Variants in RPTOR observed in about 807,000 individuals in gnomAD.
RPTOR encodes regulatory-associated protein of mTOR.
A neutral mutation model predicts 169.9 loss-of-function variants in RPTOR; 21 were observed. The observed-to-expected ratio is 0.12, with a 90% CI of 0.09 to 0.18. The LOEUF (loss-of-function observed/expected upper bound fraction) is 0.18, where lower values mean the gene tolerates loss of function less well. Among genes scored for constraint, RPTOR ranks in the 10% least tolerant of loss-of-function variants. The pLI is 1.00. For missense variants in RPTOR, 1,133 were observed against 1,855.9 expected (o/e 0.61, Z 7.16); for synonymous variants, 732 against 753.2 (o/e 0.97, Z 0.46).
intron 6 of RPTOR, among the ~76,000 whole-genome samples, chr17:80,780,596 A>G (rs1336182928): frequency 2.0e-5 from 3 of 152,222 alleles, no homozygotes; most frequent in Non-Finnish European, 4.4e-5. Context: ...TCAGAGCGGA[A>G]CCGTGACCTG....
intron 3 of RPTOR, among the ~76,000 whole-genome samples, chr17:80,661,735 C>T (rs1296259311): frequency 1.3e-5 from 2 of 151,636 alleles, no homozygotes; most frequent in African/African-American, 2.4e-5. Flanking sequence ...CTTAGGATGG[C>T]GCATGAGAGA....
chr17:80,959,943 G>T lies in RPTOR; in HGVS notation c.3478-135G>T. 3 of 1,076,040 alleles carry T rather than the reference G, an allele frequency of 2.8e-6. No individual in the cohort carries two copies. The South Asian group carries it at 4.4e-5, about 16-fold the overall frequency. 66.7% of individuals were successfully genotyped at this position (1,076,040 alleles called of 1,614,324 possible). On this transcript the variant is annotated intron_variant, in intron 29 of 33. Transcript: ENST00000306801. The surrounding 1 kb of genome is among the most constrained non-coding windows in gnomAD (Gnocchi z 6.7). The stretch of plus-strand genomic sequence containing the variant: ...GGCCTTTGATGCTTCCCTGGATAGA[G>T]AGAAAGGCCCCTGCAGCCAGGGAGG...
chr17:80,761,531 C>T (rs1426899943), intron 6 of RPTOR, among the ~76,000 whole-genome samples: 1 of 152,194 alleles, frequency 6.6e-6, no homozygotes, highest in Admixed American at 6.5e-5. Context: ...CAGCGTGGCT[C>T]TGTCTGGCCA....
chr17:80,869,053 C>T (rs2068023649), intron 13 of RPTOR, among the ~76,000 whole-genome samples: 1 of 152,166 alleles, frequency 6.6e-6, no homozygotes, highest in Non-Finnish European at 1.5e-5. Context: ...CTTCAAATTC[C>T]GTACTTCAAA....
chr17:80,944,866 CT>C (rs1459628814), intron 25 of RPTOR, among the ~76,000 whole-genome samples: 1 of 152,050 alleles, frequency 6.6e-6, no homozygotes, highest in Non-Finnish European at 1.5e-5. Context: ...TGGCGGATGC[CT>C]GTAATCCCAG....
intron 20 of RPTOR, among the ~76,000 whole-genome samples, chr17:80,903,063 C>T (rs180864504): frequency 5.3e-5 from 8 of 152,320 alleles, no homozygotes; most frequent in African/African-American, 1.7e-4. Context: ...ACATTTTTTA[C>T]GGTTTTGAAA....
intron 9 of RPTOR, among the ~76,000 whole-genome samples, chr17:80,834,387 C>A (rs568647435): frequency 6.6e-6 from 1 of 152,214 alleles, no homozygotes; most frequent in African/African-American, 2.4e-5. Context: ...GGTAGCCGGA[C>A]GGCCCCGAGC....
At chr17:80,700,609 GGTGA>G in intron 3 of RPTOR, among the ~76,000 whole-genome samples, 1 of 150,994 alleles carries the variant, frequency 6.6e-6, no homozygotes, top group African/African-American at 2.4e-5. Context: ...TGGTGATGAT[GGTGA>G]TGGTGGTGGT....
chr17:80,851,837 G>C (rs563283526), intron 11 of RPTOR, among the ~76,000 whole-genome samples: 1 of 152,294 alleles, frequency 6.6e-6, no homozygotes, highest in African/African-American at 2.4e-5. Context: ...TCTTCGCCCC[G>C]TCCTGCCACT....
chr17:80,708,098 A>T lies in RPTOR; in HGVS notation c.507+99A>T. ...GCCCATCCGTAGCTTCTGTTAAGCC[A>T]TTGATGTTTACTGTGTTTCAACAAA... On this transcript the variant is annotated intron_variant, in intron 4 of 33. Transcript: ENST00000306801. The surrounding 1 kb of genome is among the most constrained non-coding windows in gnomAD (Gnocchi z 4.2). 2.5e-6 allele frequency: 3 copies of T among 1,222,734 alleles called. No individual in the cohort carries two copies. The South Asian group carries it at 4.4e-5, about 18-fold the overall frequency. The allele number at this position is 1,222,734 out of a possible 1,614,324, so 75.7% of individuals were successfully genotyped here.
chr17:80,949,379 G>T, intron 27 of RPTOR, 64 bp from the exon 28 acceptor site: 1 of 1,374,978 alleles, frequency 7.3e-7, no homozygotes, highest in Non-Finnish European at 1.0e-6. Flanking sequence ...TTACCACCAC[G>T]CACAGAGCAC....
At chr17:80,888,038 C>T (rs558763951) in intron 17 of RPTOR, among the ~76,000 whole-genome samples, 112 of 152,258 alleles carry the variant, frequency 7.4e-4, no homozygotes, top group African/African-American at 2.6e-3. Context: ...ACGGGCTCAG[C>T]GGGGCTTGGA....
At chr17:80,573,146 A>C (rs942704029) in intron 1 of RPTOR, among the ~76,000 whole-genome samples, 1 of 152,178 alleles carries the variant, frequency 6.6e-6, no homozygotes, top group Non-Finnish European at 1.5e-5. Context: ...GTCATTGGTC[A>C]GCCCTAGCAC....
intron 9 of RPTOR, among the ~76,000 whole-genome samples, chr17:80,837,199 C>A (rs890164429): frequency 2.0e-5 from 3 of 152,114 alleles, no homozygotes; most frequent in Non-Finnish European, 2.9e-5. Flanking sequence ...AGGGGAAGCA[C>A]ATCACCGGGG....
At chr17:80,640,636 G>A (rs1431975387) in intron 2 of RPTOR, among the ~76,000 whole-genome samples, 3 of 152,198 alleles carry the variant, frequency 2.0e-5, no homozygotes, top group Non-Finnish European at 2.9e-5. Flanking sequence ...CCCCTGCCAG[G>A]CTGTCTCTAC....
At chr17:80,783,362 G>A (rs535121888) in intron 6 of RPTOR, among the ~76,000 whole-genome samples, 266 of 152,290 alleles carry the variant, frequency 1.7e-3, no homozygotes, top group African/African-American at 6.2e-3. Flanking sequence ...AGTGAACCCT[G>A]TATATATTAA....
chr17:80,834,556 A>C (rs1450417544), intron 9 of RPTOR, among the ~76,000 whole-genome samples: 2 of 151,864 alleles, frequency 1.3e-5, no homozygotes, highest in Non-Finnish European at 2.9e-5. Context: ...CCCGCCTCCC[A>C]CCCCGGGGCT....
chr17:80,806,104 GCCTC>G (rs2067216160), intron 7 of RPTOR, among the ~76,000 whole-genome samples: 2 of 152,112 alleles, frequency 1.3e-5, no homozygotes, highest in Non-Finnish European at 2.9e-5. Context: ...AAAACAAGCC[GCCTC>G]TGGTGGTTTT....
intron 4 of RPTOR, among the ~76,000 whole-genome samples, chr17:80,709,459 G>T (rs1302813951): frequency 1.3e-5 from 2 of 152,116 alleles, no homozygotes; most frequent in Non-Finnish European, 2.9e-5. Context: ...CTGATACGCT[G>T]GGCGGACGCT....
Sources: allele counts gnomAD v4.1 joint callset (sites outside exome capture counted in the v4.1 genomes callset), GRCh38; gene constraint gnomAD v4.1.1; non-coding constraint Gnocchi (gnomAD v3.1); transcripts MANE v1.5; gene names NCBI Gene and HGNC (gene_info 2026-07-23, HGNC 2026-07-21).